DSCAML1: variants seen among roughly 807,000 people sequenced by gnomAD.
The protein encoded by DSCAML1 is DS cell adhesion molecule like 1.
DSCAML1 carries 38 observed loss-of-function variants against 200.5 expected under a neutral mutation model. The observed-to-expected ratio is 0.19, with a 90% CI of 0.15 to 0.25. The LOEUF is 0.25. Ranked by LOEUF, DSCAML1 falls within the 10% of genes least tolerant of loss-of-function variation. The probability of loss-of-function intolerance (pLI) is 1.00; values close to 1 mark genes in which losing one functional copy is unlikely to be tolerated. For synonymous variants in DSCAML1, 1,215 were observed against 1,165.0 expected, an observed-to-expected ratio of 1.04 and a Z score of -0.87; for missense variants, 2,223 against 2,858.8, an observed-to-expected ratio of 0.78 and a Z score of 5.07.
intron 3 of DSCAML1, among the ~76,000 whole-genome samples, chr11:117,650,967 G>C (rs2052620495): frequency 6.6e-6 from 1 of 152,242 alleles, no homozygotes; most frequent in Non-Finnish European, 1.5e-5. Context: ...GCAACCTCCA[G>C]GGAGAGGACA....
At chr11:117,717,083 G>T (rs1434032329) in intron 3 of DSCAML1, among the ~76,000 whole-genome samples, 1 of 152,170 alleles carries the variant, frequency 6.6e-6, no homozygotes. Context: ...GACTTCTAGG[G>T]GGAAGAAAGA....
chr11:117,529,709 C>T (rs771637660), intron 4 of DSCAML1, among the ~76,000 whole-genome samples: 2 of 151,978 alleles, frequency 1.3e-5, no homozygotes, highest in Non-Finnish European at 2.9e-5. Context: ...CAGGAGCTCT[C>T]GGGGGTCCTG....
chr11:117,673,200 T>C (rs910578404), intron 3 of DSCAML1, among the ~76,000 whole-genome samples: 22 of 152,244 alleles, frequency 1.4e-4, no homozygotes, highest in African/African-American at 5.1e-4. Flanking sequence ...TTTTATTACT[T>C]GCTTAAGCCA....
intron 19 of DSCAML1, among the ~76,000 whole-genome samples, chr11:117,453,655 TCTC>T (rs2048321443): frequency 6.6e-6 from 1 of 152,126 alleles, no homozygotes; most frequent in South Asian, 2.1e-4. Context: ...ATCCGTCTTT[TCTC>T]CTCTGGTTGC....
At chr11:117,752,212 C>G (rs1245385942) in intron 3 of DSCAML1, among the ~76,000 whole-genome samples, 2 of 152,174 alleles carry the variant, frequency 1.3e-5, no homozygotes, top group Non-Finnish European at 2.9e-5. Flanking sequence ...GAACTGAACT[C>G]AATGCCTGTG....
At chr11:117,491,189 C>T (rs910498616) in intron 11 of DSCAML1, among the ~76,000 whole-genome samples, 3 of 152,194 alleles carry the variant, frequency 2.0e-5, no homozygotes, top group Non-Finnish European at 4.4e-5. Context: ...GAATGTTGAA[C>T]TCCAAAAGGA....
At chr11:117,694,186 T>C (rs569951932) in intron 3 of DSCAML1, among the ~76,000 whole-genome samples, 12 of 151,716 alleles carry the variant, frequency 7.9e-5, no homozygotes, top group African/African-American at 2.9e-4. Flanking sequence ...ATGGATCACT[T>C]GAGGTCAGGA....
intron 8 of DSCAML1, among the ~76,000 whole-genome samples, chr11:117,508,412 C>T (rs898890150): frequency 2.6e-5 from 4 of 152,044 alleles, no homozygotes; most frequent in Non-Finnish European, 2.9e-5. Flanking sequence ...TGTAGGTGCC[C>T]GATGAGTGCT....
chr11:117,721,538 T>C (rs1014872383), intron 3 of DSCAML1, among the ~76,000 whole-genome samples: 2 of 152,018 alleles, frequency 1.3e-5, no homozygotes, highest in Non-Finnish European at 2.9e-5. Context: ...CATTTGTCCA[T>C]ATATTTTCTG....
At chr11:117,602,197 A>C (rs1197263876) in intron 3 of DSCAML1, among the ~76,000 whole-genome samples, 1 of 152,222 alleles carries the variant, frequency 6.6e-6, no homozygotes, top group African/African-American at 2.4e-5. Flanking sequence ...CACCTGCTTT[A>C]TGCTCCCAGA....
In DSCAML1 at chr11:117,521,371, C is replaced by T; in HGVS notation, c.972G>A (p.Leu324=). The T allele has an allele frequency of 6.2e-7, 1 of 1,614,042 alleles. No homozygotes were observed. The highest frequency in any genetic ancestry group is 8.5e-7 in the Non-Finnish European group (1 of 1,179,958). ...PLHVTLTPKK[L]KTGIGSTVIL... is the part of the protein sequence containing the mutation. The stretch of plus-strand genomic sequence containing the variant: ...TGACCGTGCTGCCAATGCCGGTCTT[C>T]AGCTTCTTTGGTGTCAGGGTCACAT... The change falls in exon 6 of 33, where the codon CTG becomes CTA. Residue 324 remains leucine, a synonymous_variant. Transcript: ENST00000651296.
intron 21 of DSCAML1, 126 bp downstream of exon 21, chr11:117,443,760 C>T (rs935569072): frequency 1.5e-6 from 2 of 1,361,426 alleles, no homozygotes; most frequent in Non-Finnish European, 2.0e-6. Flanking sequence ...AGGCGGGTGG[C>T]CAGTTCCTCA....
intron 3 of DSCAML1, among the ~76,000 whole-genome samples, chr11:117,617,376 C>T (rs1396834641): frequency 1.3e-5 from 2 of 152,160 alleles, no homozygotes; most frequent in African/African-American, 2.4e-5. Flanking sequence ...GCTCAGTATG[C>T]ATGTTGTGGT....
At chr11:117,614,403 T>C (rs1291599848) in intron 3 of DSCAML1, among the ~76,000 whole-genome samples, 1 of 152,194 alleles carries the variant, frequency 6.6e-6, no homozygotes, top group African/African-American at 2.4e-5. Context: ...GATTTCATTG[T>C]ACTGGGGCGC....
At chr11:117,705,712 G>C (rs1011057481) in intron 3 of DSCAML1, among the ~76,000 whole-genome samples, 1 of 152,078 alleles carries the variant, frequency 6.6e-6, no homozygotes, top group Admixed American at 6.6e-5. Flanking sequence ...TCTCCTTACT[G>C]CCACCCACCT....
intron 3 of DSCAML1, among the ~76,000 whole-genome samples, chr11:117,575,310 T>C (rs764144515): frequency 4.6e-5 from 7 of 152,176 alleles, no homozygotes; most frequent in Non-Finnish European, 1.0e-4. Context: ...TGACGCATGG[T>C]TTGAGACCCA....
At chr11:117,796,448 T>A (rs1342274595) in intron 1 of DSCAML1, among the ~76,000 whole-genome samples, 2 of 152,158 alleles carry the variant, frequency 1.3e-5, no homozygotes, top group African/African-American at 2.4e-5. Context: ...GAGAACAAAC[T>A]TGCTATCCGA....
chr11:117,469,701 G>A lies in DSCAML1; in HGVS notation c.3024+209C>T, dbSNP rs112746771. Among the ~76,000 whole-genome samples the A allele has an allele frequency of 3.8e-3, 577 of 152,226 alleles. 5 individuals are homozygous for A. Among genetic ancestry groups the A allele is most frequent in the South Asian group, 0.035 (169 of 4,810 alleles). ...AGAGCCTCCATCAGAGAACCAGGGAGGAGAGGGAAGTGGGGATTATTGTGC... is the reference window on the plus strand; with the variant it reads ...AGAGCCTCCATCAGAGAACCAGGGAAGAGAGGGAAGTGGGGATTATTGTGC... On this transcript the variant is annotated intron_variant, in intron 16 of 32. Transcript: ENST00000651296. This position sits in a 1 kb window ranked among gnomAD's most constrained non-coding sequence, Gnocchi z 4.1.
In DSCAML1 at chr11:117,505,751, G is replaced by T; in HGVS notation, c.1784-19C>A. ...GGGGGCACTGGGAAGGCAAGCGGGT[G>T]CTGCCGTCAGGACCCTGTGCATTCT... On this transcript the variant is annotated intron_variant, in intron 8 of 32. Transcript: ENST00000651296. This position sits in a 1 kb window ranked among gnomAD's most constrained non-coding sequence, Gnocchi z 6.7. 1 of 1,599,526 alleles carries T rather than the reference G, an allele frequency of 6.3e-7. No homozygotes were observed. The highest frequency in any genetic ancestry group is 1.7e-4 in the Middle Eastern group (1 of 6,020).
Sources: gnomAD v4.1 joint callset for allele counts (sites outside exome capture counted in the v4.1 genomes callset) on GRCh38, gnomAD v4.1.1 for gene constraint, Gnocchi (gnomAD v3.1) non-coding constraint, MANE v1.5 for transcripts, NCBI Gene and HGNC (gene_info 2026-07-23, HGNC 2026-07-21) for gene names.